Variants in BCL2L13 observed in about 807,000 individuals in gnomAD.
The protein encoded by BCL2L13 is bcl-2-like protein 13.
Under a neutral mutation model 25.8 loss-of-function variants are expected in BCL2L13, and 13 were observed. That is an observed-to-expected ratio of 0.50 (90% CI 0.33 to 0.80). BCL2L13 has a LOEUF of 0.80. Ranked by LOEUF, BCL2L13 falls within the 30% of genes least tolerant of loss-of-function variation. The probability of loss-of-function intolerance (pLI) is 0.02; values close to 1 mark genes in which losing one functional copy is unlikely to be tolerated. For synonymous variants in BCL2L13, 244 were observed against 230.3 expected, an observed-to-expected ratio of 1.06 and a Z score of -0.54; for missense variants, 504 against 574.9, an observed-to-expected ratio of 0.88 and a Z score of 1.26.
intron 6 of BCL2L13, 103 bp from the exon 7 acceptor site, chr22:17,726,574 A>G (rs1310200557): frequency 1.5e-5 from 20 of 1,320,890 alleles, no homozygotes; most frequent in Non-Finnish European, 2.0e-5. Flanking sequence ...ACAGTGTTTC[A>G]TTCCTAGAAC....
chr22:17,726,525 C>A, intron 6 of BCL2L13, 152 bp from the exon 7 acceptor site: 1 of 895,718 alleles, frequency 1.1e-6, no homozygotes, highest in Non-Finnish European at 1.7e-6. Context: ...CATTGGCCTA[C>A]AAATACATGC....
At chr22:17,715,160 ATATATATATATTTTTTTTTTTTTTTTT>A (rs2060903717) in intron 6 of BCL2L13, among the ~76,000 whole-genome samples, 1 of 5,230 alleles carries the variant, frequency 1.9e-4, no homozygotes, top group Non-Finnish European at 3.1e-4. Flanking sequence ...ATATATATAT[ATATATATATATTTTTTTTTTTTTTTTT>A]TTTTTTTTTT....
intron 5 of BCL2L13, among the ~76,000 whole-genome samples, chr22:17,700,168 A>G (rs749911198): frequency 2.0e-5 from 3 of 152,192 alleles, no homozygotes; most frequent in Non-Finnish European, 4.4e-5. Context: ...GGGAAGATCC[A>G]GAAAAGGGAA....
At chr22:17,688,674 C>T (rs1277058827) in intron 3 of BCL2L13, among the ~76,000 whole-genome samples, 1 of 151,998 alleles carries the variant, frequency 6.6e-6, no homozygotes, top group Admixed American at 6.6e-5. Flanking sequence ...CAATGATTAT[C>T]TGACCTTTTT....
intron 6 of BCL2L13, among the ~76,000 whole-genome samples, chr22:17,706,502 T>C (rs1323280452): frequency 1.3e-5 from 2 of 152,222 alleles, no homozygotes; most frequent in African/African-American, 4.8e-5. Flanking sequence ...AAGGGAAGAA[T>C]AGCTTCTCTG....
Position 17,726,845 on chromosome 22 carries a change from T to A in BCL2L13, c.769T>A (p.Ser257Thr). The change falls in exon 7 of 7, where the codon TCA becomes ACA. Residue 257 changes from serine to threonine, a missense_variant. By Grantham distance (58) the Ser-to-Thr change is moderately conservative. Transcript: ENST00000317582. ...GTCTGAGAGCTTACCTGTGTCACTG[T>A]CAGCTAGCCAGAGTTGGCACACAGA... is the stretch of plus-strand genomic sequence containing the variant. ...WQSESLPVSL[S>T]ASQSWHTESL... 3 of 1,613,974 alleles carry A rather than the reference T, an allele frequency of 1.9e-6. No homozygotes were observed. Among genetic ancestry groups the A allele is most frequent in the Non-Finnish European group, 2.5e-6 (3 of 1,179,834 alleles).
chr22:17,660,555 A>AGT (rs1283591348), intron 2 of BCL2L13, among the ~76,000 whole-genome samples: 2 of 142,750 alleles, frequency 1.4e-5, no homozygotes, highest in East Asian at 4.0e-4. Flanking sequence ...AGGAGCTGGA[A>AGT]GTACTCGAAC....
Position 17,729,101 on chromosome 22 carries a change from A to G in BCL2L13, c.*1567A>G, listed in dbSNP as rs200499311. On this transcript the variant is annotated 3_prime_UTR_variant, in exon 7 of 7. Transcript: ENST00000317582. The stretch of plus-strand genomic sequence containing the variant: ...AATAAATTATTTTTTAGATCTTGAA[A>G]TTTATAATAAAAATACTTTACCTAC... 1 of 152,230 alleles carries G rather than the reference A, an allele frequency of 6.6e-6. No individual in the cohort carries two copies. The highest frequency in any genetic ancestry group is 6.5e-5 in the Admixed American group (1 of 15,288). The allele number at this position is 152,230 out of a possible 1,614,324, so 9.4% of individuals were successfully genotyped here.
chr22:17,656,802 A>G (rs1415703261), intron 2 of BCL2L13, among the ~76,000 whole-genome samples: 2 of 151,944 alleles, frequency 1.3e-5, no homozygotes, highest in Admixed American at 6.6e-5. Flanking sequence ...GTTCCATCAT[A>G]ATGATACAGT....
intron 6 of BCL2L13, among the ~76,000 whole-genome samples, chr22:17,726,191 C>G (rs997560049): frequency 6.6e-6 from 1 of 151,960 alleles, no homozygotes; most frequent in Non-Finnish European, 1.5e-5. Flanking sequence ...TCTCTACTAA[C>G]AATACAAAAG....
chr22:17,667,258 G>A (rs997514744), intron 2 of BCL2L13, among the ~76,000 whole-genome samples: 30 of 151,924 alleles, frequency 2.0e-4, no homozygotes, highest in African/African-American at 7.0e-4. Context: ...TGCAACCTAC[G>A]CCTCCTGGGT....
At chr22:17,653,143 G>T (rs1268879976) in intron 1 of BCL2L13, among the ~76,000 whole-genome samples, 1 of 152,114 alleles carries the variant, frequency 6.6e-6, no homozygotes, top group African/African-American at 2.4e-5. Context: ...TGTTTGCACT[G>T]CCATCATAAA....
chr22:17,676,748 A>C (rs1364108890), intron 2 of BCL2L13, among the ~76,000 whole-genome samples: 6 of 152,228 alleles, frequency 3.9e-5, no homozygotes, highest in Non-Finnish European at 7.3e-5. Context: ...CTAACACTAC[A>C]AATTACTTCT....
Position 17,727,709 on chromosome 22 carries a change from A to T in BCL2L13, c.*175A>T. 1 of 814,134 alleles carries T rather than the reference A, an allele frequency of 1.2e-6. No homozygotes were observed. The highest frequency in any genetic ancestry group is 1.9e-6 in the Non-Finnish European group (1 of 530,822). The allele number at this position is 814,134 out of a possible 1,614,324, so 50.4% of individuals were successfully genotyped here. The stretch of plus-strand genomic sequence containing the variant: ...TTAGGGCTTGAGGTGGGGCATTCAC[A>T]TTCATCTGACTGTAAATCCCAAGGG... On this transcript the variant is annotated 3_prime_UTR_variant, in exon 7 of 7. Transcript: ENST00000317582.
intron 6 of BCL2L13, among the ~76,000 whole-genome samples, chr22:17,708,760 A>G (rs914247737): frequency 2.2e-4 from 33 of 152,230 alleles, no homozygotes; most frequent in African/African-American, 7.0e-4. Context: ...AGTGAAGCCA[A>G]AGAGACAGAT....
At chr22:17,699,009 A>G (rs540130679) in intron 5 of BCL2L13, among the ~76,000 whole-genome samples, 8 of 152,142 alleles carry the variant, frequency 5.3e-5, no homozygotes, top group African/African-American at 7.2e-5. Context: ...TTTATTGACT[A>G]TATCACTGAG....
chr22:17,716,158 C>G (rs946614937), intron 6 of BCL2L13, among the ~76,000 whole-genome samples: 4 of 152,180 alleles, frequency 2.6e-5, no homozygotes, highest in African/African-American at 9.6e-5. Flanking sequence ...GACTCAGTGC[C>G]GTCTAGGAGT....
chr22:17,649,566 G>A (rs1321871826), intron 1 of BCL2L13, among the ~76,000 whole-genome samples: 3 of 151,800 alleles, frequency 2.0e-5, no homozygotes, highest in Non-Finnish European at 2.9e-5. Context: ...GCAGTGGCAC[G>A]ATCTTGGCTC....
At chr22:17,651,386 TTTA>T (rs2058680280) in intron 1 of BCL2L13, among the ~76,000 whole-genome samples, 1 of 151,482 alleles carries the variant, frequency 6.6e-6, no homozygotes, top group African/African-American at 2.4e-5. Context: ...TATTTATTTA[TTTA>T]TTTATTTATT....
Sources: allele counts gnomAD v4.1 joint callset (sites outside exome capture counted in the v4.1 genomes callset), GRCh38; gene constraint gnomAD v4.1.1; transcripts MANE v1.5; gene names NCBI Gene and HGNC (gene_info 2026-07-23, HGNC 2026-07-21).